Variants in MYO1D observed in about 807,000 individuals in gnomAD.
MYO1D encodes the protein myosin ID, also known as unconventional myosin-Id.
Under a neutral mutation model 122.0 loss-of-function variants are expected in MYO1D, and 83 were observed. The ratio of observed to expected loss-of-function variants is 0.68; its 90% CI spans 0.57 to 0.82. The LOEUF is 0.82. MYO1D is among the 40% of genes least tolerant of loss of function. The pLI is 0.00. For missense variants in MYO1D, 1,157 were observed against 1,269.5 expected, an observed-to-expected ratio of 0.91 and a Z score of 1.35; for synonymous variants, 464 against 446.9, an observed-to-expected ratio of 1.04 and a Z score of -0.48.
intron 16 of MYO1D, among the ~76,000 whole-genome samples, chr17:32,700,900 C>T (rs560106766): frequency 7.5e-5 from 11 of 145,910 alleles, no homozygotes; most frequent in South Asian, 2.2e-4. Flanking sequence ...GCTGAGATCA[C>T]GCCATTGTAC....
At chr17:32,658,106 T>C (rs1411662170) in intron 17 of MYO1D, among the ~76,000 whole-genome samples, 1 of 152,170 alleles carries the variant, frequency 6.6e-6, no homozygotes, top group African/African-American at 2.4e-5. Flanking sequence ...TTTTCAATAA[T>C]TCTGTATTTT....
intron 16 of MYO1D, among the ~76,000 whole-genome samples, chr17:32,672,478 GT>G (rs979906805): frequency 3.3e-5 from 5 of 151,590 alleles, no homozygotes; most frequent in Admixed American, 1.3e-4. Flanking sequence ...AATCATAAAG[GT>G]TTTTTTTCGT....
chr17:32,536,681 A>G (rs1261584510), intron 21 of MYO1D, among the ~76,000 whole-genome samples: 1 of 152,216 alleles, frequency 6.6e-6, no homozygotes, highest in Non-Finnish European at 1.5e-5. Flanking sequence ...ATGAATAAGA[A>G]AATATTATGC....
rs5819999 is a variant in MYO1D at position 32,826,048 on chromosome 17, TAAA to T, written c.96-45267_96-45265del. ...CGGGTGATAGAGTGAAACTCCATCTTAAAAAAAAAAAAAAAAAAAAAGTGTATT... is the reference window on the plus strand; with the variant it reads ...CGGGTGATAGAGTGAAACTCCATCTTAAAAAAAAAAAAAAAAAAGTGTATT... On this transcript the variant is annotated intron_variant, in intron 1 of 21. Transcript: ENST00000318217. Among the ~76,000 whole-genome samples the T allele has an allele frequency of 9.3e-4, 111 of 119,482 alleles. 1 individual carries two copies. Among genetic ancestry groups the T allele is most frequent in the Middle Eastern group, 8.3e-3 (2 of 242 alleles). The allele number at this position is 119,482 out of a possible 152,430, so 78.4% of individuals were successfully genotyped here. A position where few individuals can be genotyped will look rare whatever the true frequency, so the allele number is the denominator to read the frequency against.
chr17:32,566,844 TAACCAAA>T, intron 21 of MYO1D, among the ~76,000 whole-genome samples: 1 of 147,028 alleles, frequency 6.8e-6, no homozygotes, highest in Non-Finnish European at 1.5e-5. Flanking sequence ...AGCTTCTTTT[TAACCAAA>T]TCAGGCAGGC....
chr17:32,833,807 C>A (rs912806608), intron 1 of MYO1D, among the ~76,000 whole-genome samples: 3 of 152,238 alleles, frequency 2.0e-5, no homozygotes, highest in Middle Eastern at 3.4e-3. Context: ...GTCTCTCCTC[C>A]CAGCTGTCTG....
At chr17:32,686,964 AACACACACAC>A (rs57125657) in intron 16 of MYO1D, among the ~76,000 whole-genome samples, 2,040 of 145,484 alleles carry the variant, frequency 0.014, 41 homozygotes, top group East Asian at 0.066. Flanking sequence ...CCTGTTTCAA[AACACACACAC>A]ACACACACAC....
chr17:32,775,954 G>A lies in MYO1D; in HGVS notation c.474C>T (p.Asn158=), dbSNP rs1477655518. ...FGNAKTNRND[N]SSRFGKYMDI... ...CCATGTATTTTCCAAACCTGCTTGA[G>A]TTGTCATTACGGTTGGTTTTGGCAT... The change falls in exon 4 of 22, where the codon AAC becomes AAT. Residue 158 remains asparagine (N), a synonymous_variant. Transcript: ENST00000318217. 3 of 1,613,764 alleles carry A rather than the reference G, an allele frequency of 1.9e-6. No homozygotes were observed. The highest frequency in any genetic ancestry group is 1.1e-5 in the South Asian group (1 of 91,080).
At chr17:32,727,211 T>C (rs1485665412) in intron 14 of MYO1D, among the ~76,000 whole-genome samples, 12 of 152,210 alleles carry the variant, frequency 7.9e-5, no homozygotes, top group Non-Finnish European at 4.4e-5. Context: ...AGCGTCAGTG[T>C]CCTTGGAGCA....
intron 1 of MYO1D, among the ~76,000 whole-genome samples, chr17:32,809,591 A>C (rs1193738147): frequency 6.6e-6 from 1 of 152,082 alleles, no homozygotes; most frequent in African/African-American, 2.4e-5. Context: ...GGCATGTGCC[A>C]CTATGCCTGG....
At chr17:32,854,102 A>G (rs1355170320) in intron 1 of MYO1D, among the ~76,000 whole-genome samples, 1 of 152,226 alleles carries the variant, frequency 6.6e-6, no homozygotes, top group Admixed American at 6.5e-5. Context: ...TACTAGCAAT[A>G]TCAACAACTT....
chr17:32,780,902 TG>T, intron 1 of MYO1D, 118 bp from the exon 2 acceptor site: 1 of 979,084 alleles, frequency 1.0e-6, no homozygotes, highest in Non-Finnish European at 1.5e-6. Context: ...ATTTCTGAAC[TG>T]ACGTTTCATT....
chr17:32,851,463 G>A (rs1186972999), intron 1 of MYO1D, among the ~76,000 whole-genome samples: 1 of 152,078 alleles, frequency 6.6e-6, no homozygotes, highest in African/African-American at 2.4e-5. Flanking sequence ...CACCAGTTCT[G>A]CAGCCCTTCT....
chr17:32,604,837 A>G (rs1279216478), intron 21 of MYO1D, among the ~76,000 whole-genome samples: 2 of 152,260 alleles, frequency 1.3e-5, no homozygotes, highest in Non-Finnish European at 2.9e-5. Context: ...ACAGTGGAAT[A>G]AAAATCACCA....
At chr17:32,541,397 A>G (rs1910834334) in intron 21 of MYO1D, among the ~76,000 whole-genome samples, 1 of 152,242 alleles carries the variant, frequency 6.6e-6, no homozygotes. Context: ...CTACAGGGGC[A>G]GAAAGTAGAT....
chr17:32,772,981 A>G (rs2090133147), intron 4 of MYO1D, 139 bp from the exon 5 acceptor site: 2 of 702,138 alleles, frequency 2.8e-6, no homozygotes, highest in Non-Finnish European at 5.1e-6. Flanking sequence ...CAACTGAAGA[A>G]TCACATAAGA....
At chr17:32,662,699 C>T (rs2088583617) in intron 16 of MYO1D, among the ~76,000 whole-genome samples, 1 of 151,550 alleles carries the variant, frequency 6.6e-6, no homozygotes, top group South Asian at 2.1e-4. Context: ...GCTGTGTAAA[C>T]TTGGGCAAGC....
intron 16 of MYO1D, among the ~76,000 whole-genome samples, chr17:32,676,814 ATT>A (rs950108382): frequency 6.8e-6 from 1 of 146,832 alleles, no homozygotes. Context: ...GAAAAATAGA[ATT>A]TTTTTTTTTT....
chr17:32,768,845 T>C (rs1483300220), intron 6 of MYO1D, among the ~76,000 whole-genome samples: 2 of 152,224 alleles, frequency 1.3e-5, no homozygotes, highest in Non-Finnish European at 2.9e-5. Context: ...ATTACTATTA[T>C]TATAAACTGC....
Sources: gnomAD v4.1 joint callset for allele counts (sites outside exome capture counted in the v4.1 genomes callset) on GRCh38, gnomAD v4.1.1 for gene constraint, MANE v1.5 for transcripts, NCBI Gene and HGNC (gene_info 2026-07-23, HGNC 2026-07-21) for gene names.